CSMD1: variants seen among roughly 807,000 people sequenced by gnomAD.
The protein encoded by CSMD1 is CUB and Sushi multiple domains 1, also known as CUB and sushi domain-containing protein 1.
Under a neutral mutation model 417.5 loss-of-function variants are expected in CSMD1, and 213 were observed. The observed-to-expected ratio is 0.51, with a 90% CI of 0.46 to 0.57. The LOEUF (loss-of-function observed/expected upper bound fraction) is 0.57, where lower values mean the gene tolerates loss of function less well. Among genes scored for constraint, CSMD1 ranks in the 20% least tolerant of loss-of-function variants. The pLI, the probability that CSMD1 is intolerant of heterozygous loss-of-function variation, is 0.00. For synonymous variants in CSMD1, 2,862 were observed against 1,736.8 expected, an observed-to-expected ratio of 1.65 and a Z score of -16.11; for missense variants, 6,923 against 4,529.7, an observed-to-expected ratio of 1.53 and a Z score of -15.17.
chr8:3,872,569 G>A (rs1348511730), intron 5 of CSMD1, among the ~76,000 whole-genome samples: 1 of 152,206 alleles, frequency 6.6e-6, no homozygotes, highest in African/African-American at 2.4e-5. Flanking sequence ...GTCTGTTTCA[G>A]AATTGCTTGA....
chr8:3,596,484 G>C (rs182528102), intron 8 of CSMD1, among the ~76,000 whole-genome samples: 82 of 152,252 alleles, frequency 5.4e-4, no homozygotes, highest in African/African-American at 1.9e-3. Context: ...CAGCATCATG[G>C]GATGCTGGAT....
rs553066168 is a variant in CSMD1, at chr8:4,800,106, G to A, written c.86-162548C>T. ...ATCCTGTGTATTTTTTATATAAAGC[G>A]TATCCTTTTTGTTTCCTATATAATT... On this transcript the variant is annotated intron_variant, in intron 1 of 69. Transcript: ENST00000635120. Among the ~76,000 whole-genome samples the A allele has an allele frequency of 1.8e-4, 28 of 152,126 alleles. No individual in the cohort carries two copies. The South Asian group carries it at 4.4e-3, about 24-fold the overall frequency.
intron 3 of CSMD1, among the ~76,000 whole-genome samples, chr8:4,254,953 G>C (rs1272106858): frequency 2.0e-5 from 3 of 152,140 alleles, no homozygotes; most frequent in African/African-American, 7.2e-5. Flanking sequence ...GACTGGAGTG[G>C]ACTCCATAAC....
intron 3 of CSMD1, among the ~76,000 whole-genome samples, chr8:4,302,819 A>T (rs900939930): frequency 6.6e-6 from 1 of 152,148 alleles, no homozygotes; most frequent in African/African-American, 2.4e-5. Flanking sequence ...GTGAAGTCAC[A>T]GGGTCCTAGT....
At chr8:3,783,873 T>G (rs149668910) in intron 5 of CSMD1, among the ~76,000 whole-genome samples, 1 of 151,846 alleles carries the variant, frequency 6.6e-6, no homozygotes, top group Non-Finnish European at 1.5e-5. Context: ...CAGGAGCACA[T>G]GAACTAGACT....
intron 5 of CSMD1, among the ~76,000 whole-genome samples, chr8:3,769,347 G>T (rs1020465870): frequency 2.6e-5 from 4 of 151,696 alleles, no homozygotes; most frequent in African/African-American, 9.7e-5. Flanking sequence ...AAAGAAAGTT[G>T]TACCAAATTA....
At chr8:4,039,004 G>C (rs974043215) in intron 3 of CSMD1, among the ~76,000 whole-genome samples, 1 of 152,182 alleles carries the variant, frequency 6.6e-6, no homozygotes, top group Non-Finnish European at 1.5e-5. Flanking sequence ...CAATGGTTAA[G>C]TGGATGTCAT....
At chr8:3,404,723 A>G (rs575821205) in intron 15 of CSMD1, among the ~76,000 whole-genome samples, 29 of 152,284 alleles carry the variant, frequency 1.9e-4, no homozygotes, top group African/African-American at 6.0e-4. Context: ...GCCTTTTTTT[A>G]GTGTTTTACA....
At chr8:3,490,278 A>G (rs2117285813) in intron 11 of CSMD1, among the ~76,000 whole-genome samples, 1 of 152,300 alleles carries the variant, frequency 6.6e-6, no homozygotes, top group Non-Finnish European at 1.5e-5. Flanking sequence ...TCATTTACAG[A>G]TTCAAGCTAT....
At chr8:4,584,200 C>T (rs927540852) in intron 2 of CSMD1, among the ~76,000 whole-genome samples, 4 of 152,020 alleles carry the variant, frequency 2.6e-5, no homozygotes, top group African/African-American at 9.7e-5. Context: ...TGGCATCATT[C>T]TTGAAGCTAG....
At chr8:4,563,309 G>A (rs866194090) in intron 2 of CSMD1, among the ~76,000 whole-genome samples, 9 of 152,170 alleles carry the variant, frequency 5.9e-5, no homozygotes, top group Non-Finnish European at 1.3e-4. Context: ...GCTGAAGCAG[G>A]AGAATGGCGT....
rs950123755 is a variant in CSMD1, at chr8:4,870,671, G to A, written c.85+123661C>T. Among the ~76,000 whole-genome samples the A allele has an allele frequency of 3.3e-5, 5 of 152,168 alleles. No individual in the cohort carries two copies. The East Asian group carries it at 9.6e-4, about 29-fold the overall frequency. ...TGAGGGAATGGAGAAACAGAGTACAGAAGTAGGGAGAGCAAAGGGAAGATG... is the reference window on the plus strand; with the variant it reads ...TGAGGGAATGGAGAAACAGAGTACAAAAGTAGGGAGAGCAAAGGGAAGATG... On this transcript the variant is annotated intron_variant, in intron 1 of 69. Transcript: ENST00000635120.
At chr8:3,906,154 T>C (rs1563197917) in intron 5 of CSMD1, among the ~76,000 whole-genome samples, 1 of 152,158 alleles carries the variant, frequency 6.6e-6, no homozygotes, top group Non-Finnish European at 1.5e-5. Context: ...CAGGTAAGCA[T>C]CATACTACCT....
intron 1 of CSMD1, among the ~76,000 whole-genome samples, chr8:4,697,849 G>A (rs1807239235): frequency 6.6e-6 from 1 of 152,108 alleles, no homozygotes; most frequent in South Asian, 2.1e-4. Context: ...TTAGTAAACT[G>A]CTTGATATTT....
At chr8:3,638,061 A>G (rs528264135) in intron 7 of CSMD1, among the ~76,000 whole-genome samples, 1 of 152,256 alleles carries the variant, frequency 6.6e-6, no homozygotes, top group East Asian at 1.9e-4. Context: ...TTATAGGAGC[A>G]TGGCTTTTCT....
chr8:4,462,082 A>G (rs1799869814), intron 2 of CSMD1, among the ~76,000 whole-genome samples: 1 of 151,246 alleles, frequency 6.6e-6, no homozygotes, highest in Non-Finnish European at 1.5e-5. Context: ...ACTGTGTTGC[A>G]CAGGCTGGTC....
chr8:4,629,094 T>C (rs1802345540), intron 2 of CSMD1, among the ~76,000 whole-genome samples: 1 of 152,190 alleles, frequency 6.6e-6, no homozygotes, highest in Non-Finnish European at 1.5e-5. Flanking sequence ...TACTTAGACA[T>C]GTTTGAATTT....
At chr8:3,679,832 T>C (rs956872099) in intron 7 of CSMD1, among the ~76,000 whole-genome samples, 3 of 152,118 alleles carry the variant, frequency 2.0e-5, no homozygotes, top group Non-Finnish European at 2.9e-5. Flanking sequence ...TATAACAAAC[T>C]GTATCTCAGA....
chr8:4,101,275 G>T (rs963604265), intron 3 of CSMD1, among the ~76,000 whole-genome samples: 2 of 152,134 alleles, frequency 1.3e-5, no homozygotes, highest in African/African-American at 4.8e-5. Flanking sequence ...ACACTTTGGT[G>T]TTCTTCCAAA....
Sources: gnomAD v4.1 joint callset for allele counts (sites outside exome capture counted in the v4.1 genomes callset) on GRCh38, gnomAD v4.1.1 for gene constraint, MANE v1.5 for transcripts, NCBI Gene and HGNC (gene_info 2026-07-23, HGNC 2026-07-21) for gene names.